Variants in CNTN4 observed in about 807,000 individuals in gnomAD.
CNTN4 encodes the protein contactin 4.
A neutral mutation model predicts 122.5 loss-of-function variants in CNTN4; 77 were observed. The observed-to-expected ratio is 0.63, with a 90% CI of 0.52 to 0.76. CNTN4 has a LOEUF of 0.76. Ranked by LOEUF, CNTN4 falls within the 30% of genes least tolerant of loss-of-function variation. CNTN4 has a pLI of 0.00. For missense variants in CNTN4, 1,256 were observed against 1,259.1 expected, an observed-to-expected ratio of 1.00 and a Z score of 0.04; for synonymous variants, 512 against 447.0, an observed-to-expected ratio of 1.15 and a Z score of -1.83.
rs558189339 is a variant in CNTN4 at position 2,486,332 on chromosome 3, G to A, written c.-88-85084G>A. 2.0e-5 allele frequency among the ~76,000 whole-genome samples: 3 copies of A among 152,158 alleles called. No individual in the cohort carries two copies. The South Asian group carries it at 6.2e-4, about 31-fold the overall frequency. ...GCGGCTTCATTCTGGAAGTCAGTGA[G>A]ACCAAGAACCCACCAATTCCAGATA... On this transcript the variant is annotated intron_variant, in intron 3 of 24. Transcript: ENST00000418658.
intron 5 of CNTN4, among the ~76,000 whole-genome samples, chr3:2,742,561 GAATCCTATAGATACCCTCCCAGCA>G (rs897773923): frequency 4.5e-4 from 1 of 2,222 alleles, no homozygotes; most frequent in Non-Finnish European, 1.8e-3. Context: ...TTGCTACAGC[GAATCCTATAGATACCCTCCCAGCA>G]AAGCCACAGC....
chr3:2,348,244 T>A (rs2044478931), intron 3 of CNTN4, among the ~76,000 whole-genome samples: 1 of 152,236 alleles, frequency 6.6e-6, no homozygotes, highest in African/African-American at 2.4e-5. Context: ...ACTTAACGCT[T>A]GGCCCAGCCG....
intron 4 of CNTN4, among the ~76,000 whole-genome samples, chr3:2,613,943 TGCTGACC>T (rs1449584223): frequency 6.6e-6 from 1 of 152,122 alleles, no homozygotes; most frequent in Non-Finnish European, 1.5e-5. Flanking sequence ...ACCTTCTATG[TGCTGACC>T]GCTGTTCTAA....
At chr3:2,562,748 G>C (rs956995861) in intron 3 of CNTN4, among the ~76,000 whole-genome samples, 5 of 151,322 alleles carry the variant, frequency 3.3e-5, no homozygotes, top group African/African-American at 1.2e-4. Flanking sequence ...TTTTGAGACA[G>C]GGTCTTACAC....
At position 2,829,225 on chromosome 3, in the gene CNTN4, AAC is replaced by A. The variant is rs553882429; in HGVS notation, c.454+9646_454+9647del. Among the ~76,000 whole-genome samples, 795 of 152,272 alleles carry A rather than the reference AAC, an allele frequency of 5.2e-3. 3 individuals carry two copies. The highest frequency in any genetic ancestry group is 0.018 in the African/African-American group (734 of 41,544). ...ATTTAATCAGCATAGAATAATGTAA[AAC>A]AGTTTATAAGGTGATGCCTTTCTGC... On this transcript the variant is annotated intron_variant, in intron 7 of 24. Transcript: ENST00000418658.
At chr3:2,248,544 C>T (rs568799052) in intron 2 of CNTN4, among the ~76,000 whole-genome samples, 1 of 152,050 alleles carries the variant, frequency 6.6e-6, no homozygotes, top group East Asian at 1.9e-4. Flanking sequence ...AGAACATAAA[C>T]CCCCCAAATA....
intron 4 of CNTN4, among the ~76,000 whole-genome samples, chr3:2,680,562 A>G (rs1266306711): frequency 6.6e-6 from 1 of 152,168 alleles, no homozygotes; most frequent in Non-Finnish European, 1.5e-5. Flanking sequence ...GATGTGTGCA[A>G]TTCTTTATAT....
At chr3:2,898,088 C>T (rs1434538846) in intron 10 of CNTN4, among the ~76,000 whole-genome samples, 11 of 152,138 alleles carry the variant, frequency 7.2e-5, no homozygotes, top group Admixed American at 5.2e-4. Context: ...TTGAAAAACT[C>T]ACTCGTTTAG....
chr3:2,983,869 C>A (rs898005422), intron 13 of CNTN4, among the ~76,000 whole-genome samples: 4 of 152,102 alleles, frequency 2.6e-5, no homozygotes, highest in Non-Finnish European at 5.9e-5. Flanking sequence ...TAAGAATAAG[C>A]GGTCACAGCA....
At chr3:2,551,239 T>C (rs1467220910) in intron 3 of CNTN4, among the ~76,000 whole-genome samples, 1 of 152,158 alleles carries the variant, frequency 6.6e-6, no homozygotes, top group Non-Finnish European at 1.5e-5. Context: ...AAAACATTAC[T>C]GATTGAGAAA....
chr3:2,235,813 C>A (rs745834294), intron 2 of CNTN4, among the ~76,000 whole-genome samples: 1 of 152,002 alleles, frequency 6.6e-6, no homozygotes, highest in Non-Finnish European at 1.5e-5. Context: ...TACAATACAT[C>A]CACTTAACAC....
At chr3:3,012,525 C>G (rs892180185) in intron 14 of CNTN4, among the ~76,000 whole-genome samples, 2 of 151,922 alleles carry the variant, frequency 1.3e-5, no homozygotes, top group Non-Finnish European at 2.9e-5. Context: ...TCTCGGCTCA[C>G]TGCAACCTCT....
At chr3:3,012,992 C>G (rs558074445) in intron 14 of CNTN4, among the ~76,000 whole-genome samples, 22 of 151,980 alleles carry the variant, frequency 1.4e-4, no homozygotes, top group African/African-American at 5.1e-4. Flanking sequence ...TAAAAAAAAC[C>G]CTTTGTATTA....
chr3:2,692,221 A>C (rs1353289024), intron 4 of CNTN4, among the ~76,000 whole-genome samples: 6 of 152,196 alleles, frequency 3.9e-5, no homozygotes. Context: ...TATTTTTGCA[A>C]ATAGCAGGAG....
intron 19 of CNTN4, 62 bp from the exon 20 acceptor site, chr3:3,039,975 A>G: frequency 1.7e-6 from 2 of 1,197,742 alleles, no homozygotes; most frequent in Non-Finnish European, 2.5e-6. Flanking sequence ...GGAAACAAAA[A>G]CGATTTTTGC....
intron 4 of CNTN4, among the ~76,000 whole-genome samples, chr3:2,634,927 A>C (rs899823781): frequency 6.6e-6 from 1 of 151,818 alleles, no homozygotes; most frequent in African/African-American, 2.4e-5. Context: ...TAAAAAAAAG[A>C]AATCCAGTAT....
At chr3:2,743,460 T>C (rs766884364) in intron 5 of CNTN4, among the ~76,000 whole-genome samples, 1 of 152,156 alleles carries the variant, frequency 6.6e-6, no homozygotes, top group Non-Finnish European at 1.5e-5. Context: ...CATAAAGAGG[T>C]ACCTCATGTT....
intron 4 of CNTN4, among the ~76,000 whole-genome samples, chr3:2,705,579 TTA>T (rs1379276807): frequency 1.3e-4 from 9 of 71,416 alleles, no homozygotes; most frequent in East Asian, 4.4e-4. Flanking sequence ...ATAAATTTAT[TTA>T]TATATATAAA....
chr3:2,625,543 G>A (rs1189755266), intron 4 of CNTN4, among the ~76,000 whole-genome samples: 1 of 151,900 alleles, frequency 6.6e-6, no homozygotes, highest in Non-Finnish European at 1.5e-5. Context: ...TACTTTTATG[G>A]TTTTGCCACA....
Sources: gnomAD v4.1 joint callset for allele counts (sites outside exome capture counted in the v4.1 genomes callset) on GRCh38, gnomAD v4.1.1 for gene constraint, MANE v1.5 for transcripts, NCBI Gene and HGNC (gene_info 2026-07-23, HGNC 2026-07-21) for gene names.